The following ZNF534 variants were observed in gnomAD, a reference collection of about 807,000 sequenced individuals.
The protein encoded by ZNF534 is zinc finger protein 534, also known as KRAB domain only 3.
ZNF534 carries 19 observed loss-of-function variants against 13.6 expected under a neutral mutation model. The observed-to-expected ratio is 1.40, with a 90% confidence interval of 0.97 to 2.05. The LOEUF (loss-of-function observed/expected upper bound fraction) is 2.05. ZNF534 is among the 30% of genes most tolerant of loss of function. The pLI is 0.00. For missense variants in ZNF534, 782 were observed against 796.3 expected, an observed-to-expected ratio of 0.98 and a Z score of 0.22; for synonymous variants, 244 against 273.8, an observed-to-expected ratio of 0.89 and a Z score of 1.07.
rs1473234877 is a variant in ZNF534 at position 52,439,021 on chromosome 19, C to A, written c.1561C>A (p.Pro521Thr). ...TAGGGATATTCATACTGGAGAGAAGCCTTACAGTTGTAATGAATGTGGCAA... is the reference window on the plus strand; with the variant it reads ...TAGGGATATTCATACTGGAGAGAAGACTTACAGTTGTAATGAATGTGGCAA... ...QHRDIHTGEK[P>T]YSCNECGKVF... Residue 521 changes from proline to threonine, a missense_variant, in exon 5 of 5, where the codon CCT becomes ACT. This residue lies in a region of ZNF534 where 591 missense variants were observed against 574.0 expected (regional missense o/e 1.03). Transcript: ENST00000433050. 6.2e-7 allele frequency: 1 copy of A among 1,600,534 alleles called. No individual in the cohort carries two copies. Among genetic ancestry groups the A allele is most frequent in the Non-Finnish European group, 8.5e-7 (1 of 1,173,168 alleles).
At chr19:52,436,996 AC>A (rs2059132764) in intron 4 of ZNF534, among the ~76,000 whole-genome samples, 2 of 152,132 alleles carry the variant, frequency 1.3e-5, no homozygotes, top group South Asian at 4.2e-4. Flanking sequence ...TAAAACAACC[AC>A]TTTTTTCAGT....
At chr19:52,433,647 T>C (rs1050722693) in intron 2 of ZNF534, among the ~76,000 whole-genome samples, 1 of 152,266 alleles carries the variant, frequency 6.6e-6, no homozygotes, top group Non-Finnish European at 1.5e-5. Flanking sequence ...ATTACAGGCA[T>C]GAGCCGCCGT....
chr19:52,434,255 G>C, intron 3 of ZNF534, 174 bp downstream of exon 3: 1 of 861,868 alleles, frequency 1.2e-6, no homozygotes, highest in East Asian at 2.9e-5. Flanking sequence ...CAGCACTTTG[G>C]GAGGCCGAGG....
intron 4 of ZNF534, among the ~76,000 whole-genome samples, chr19:52,450,893 C>T (rs748946206): frequency 6.6e-6 from 1 of 151,652 alleles, no homozygotes; most frequent in Non-Finnish European, 1.5e-5. Context: ...GCCATGTTGC[C>T]CAGGTTGGTC....
intron 1 of ZNF534, among the ~76,000 whole-genome samples, chr19:52,431,080 T>C (rs1262681206): frequency 6.6e-6 from 1 of 152,102 alleles, no homozygotes; most frequent in Non-Finnish European, 1.5e-5. Flanking sequence ...CTCAAACTCC[T>C]GACCTCATGA....
At chr19:52,450,673 T>G (rs1343724150) in intron 4 of ZNF534, among the ~76,000 whole-genome samples, 8 of 26,026 alleles carry the variant, frequency 3.1e-4, no homozygotes, top group East Asian at 7.3e-4. Context: ...TTTAGGAGTT[T>G]TTTTTTTTTT....
chr19:52,450,947 A>G lies in ZNF534; in HGVS notation c.272-240A>G, dbSNP rs182500503. ...GTGATCCGCCCATCTTGGCCTCCCA[A>G]AGTGCTGGAATTACAGGCACAAGCC... On this transcript the variant is annotated intron_variant, in intron 4 of 4. Coordinates refer to the ZNF534 transcript ENST00000301085. Among the ~76,000 whole-genome samples, 866 of 152,064 alleles carry G rather than the reference A, an allele frequency of 5.7e-3. 9 individuals are homozygous for G. The highest frequency in any genetic ancestry group is 0.02 in the African/African-American group (829 of 41,496).
rs766949379 is a variant in ZNF534 at position 52,438,311 on chromosome 19, A to C, written c.851A>C (p.Tyr284Ser). The change falls in exon 5 of 5, where the codon TAC (tyrosine) becomes TCC (serine). Residue 284 changes from tyrosine to serine, a missense_variant. Tyr to Ser is a moderately radical substitution (Grantham distance 144). Transcript: ENST00000433050. ...ECGKVFSHHA[Y>S]LAQHRKIHTG... ...GGGAAAGTCTTTAGTCACCATGCCT[A>C]CCTTGCACAGCATAGGAAAATTCAT... 9 of 1,606,300 alleles carry C rather than the reference A, an allele frequency of 5.6e-6. No individual in the cohort carries two copies. The highest frequency in any genetic ancestry group is 7.7e-6 in the Non-Finnish European group (9 of 1,173,946).
Position 52,439,372 on chromosome 19 carries a change from G to C in ZNF534, c.1912G>C (p.Glu638Gln). The C allele has an allele frequency of 6.4e-7, 1 of 1,552,186 alleles. No individual in the cohort carries two copies. Among genetic ancestry groups the C allele is most frequent in the Non-Finnish European group, 8.7e-7 (1 of 1,147,128 alleles). ...TGGAGTGAAGCCTTACAGTTGTAATGAATGTGGCAAGGTCTTTAGTAAAAA... is the reference window on the plus strand; with the variant it reads ...TGGAGTGAAGCCTTACAGTTGTAATCAATGTGGCAAGGTCTTTAGTAAAAA... Reference protein sequence around the residue: ...HTGVKPYSCNECGKVFSKNSI... With the variant: ...HTGVKPYSCNQCGKVFSKNSI... Residue 638 changes from glutamate (E) to glutamine (Q), a missense_variant, in exon 5 of 5, where the codon GAA becomes CAA. By Grantham distance (29) the Glu-to-Gln change is conservative. This residue lies in a region of ZNF534 where 60 missense variants were observed against 59.9 expected (regional missense o/e 1.00). Transcript: ENST00000433050.
chr19:52,452,057 C>G (rs1293435975), exon 5 of ZNF534: 3 of 182,152 alleles, frequency 1.6e-5, no homozygotes, highest in Non-Finnish European at 3.5e-5. Context: ...GCTTTACCTT[C>G]TAAAAGTACT....
At chr19:52,430,145 A>G (rs2059077814) in intron 1 of ZNF534, among the ~76,000 whole-genome samples, 2 of 150,166 alleles carry the variant, frequency 1.3e-5, no homozygotes, top group South Asian at 4.2e-4. Flanking sequence ...TCTCCCGAGT[A>G]GCTGGGATTA....
At chr19:52,451,128 T>C in intron 4 of ZNF534, 1 of 597,224 alleles carries the variant, frequency 1.7e-6, no homozygotes, top group Admixed American at 3.1e-5. Context: ...GGGTAGCCTT[T>C]ACTTTTTTGT....
At chr19:52,449,830 G>C (rs1011797151) in intron 4 of ZNF534, among the ~76,000 whole-genome samples, 3 of 152,100 alleles carry the variant, frequency 2.0e-5, no homozygotes, top group African/African-American at 7.2e-5. Context: ...GCCTAGCCTG[G>C]CCAAGGTGGT....
intron 4 of ZNF534, among the ~76,000 whole-genome samples, chr19:52,450,685 GTTTTTGTT>G (rs2059210934): frequency 8.7e-5 from 1 of 11,468 alleles, no homozygotes; most frequent in Non-Finnish European, 1.7e-4. Context: ...TTTTTTTTTT[GTTTTTGTT>G]TTTGTTTTTT....
At chr19:52,445,941 T>G (rs190347039), downstream of ZNF534, among the ~76,000 whole-genome samples, 2 of 152,208 alleles carry the variant, frequency 1.3e-5, no homozygotes, top group East Asian at 3.8e-4. Context: ...ACAGGGAATA[T>G]ATAAATGAAA....
Position 52,434,097 on chromosome 19 carries a change from G to A in ZNF534, c.142+16G>A, listed in dbSNP as rs766822334. Reference sequence around the variant, plus strand: ...GTCTCCCTAGGTGAGGATAATGTCCGTCCAGAAGCCTGCATCTGCTCTGGT... The same window carrying A: ...GTCTCCCTAGGTGAGGATAATGTCCATCCAGAAGCCTGCATCTGCTCTGGT... On this transcript the variant is annotated intron_variant, in intron 3 of 4. Coordinates refer to ENST00000433050, the MANE Select transcript of ZNF534 (RefSeq NM_001143938.3). The A allele has an allele frequency of 1.6e-5, 25 of 1,609,740 alleles. No individual in the cohort carries two copies. Among genetic ancestry groups the A allele is most frequent in the Admixed American group, 8.5e-5 (5 of 58,760 alleles).
chr19:52,447,150 C>T (rs1209992674), downstream of ZNF534, among the ~76,000 whole-genome samples: 1 of 152,162 alleles, frequency 6.6e-6, no homozygotes, highest in Non-Finnish European at 1.5e-5. Flanking sequence ...GTGATGATAT[C>T]ACCTTTATAA....
rs534489301 is a variant in ZNF534, at chr19:52,441,488, C to T, written c.*2042C>T. On this transcript the variant is annotated 3_prime_UTR_variant, in exon 5 of 5. Coordinates refer to ENST00000433050, the MANE Select transcript of ZNF534 (RefSeq NM_001143938.3). ...CATGTTTGCAGTACTGCACTCCAGCCTGGGTGACAGAGTGAGACCCTATCT... is the reference window on the plus strand; with the variant it reads ...CATGTTTGCAGTACTGCACTCCAGCTTGGGTGACAGAGTGAGACCCTATCT... Among the ~76,000 whole-genome samples, 3 of 152,310 alleles carry T rather than the reference C, an allele frequency of 2.0e-5. No homozygotes were observed. Among genetic ancestry groups the T allele is most frequent in the Admixed American group, 2.0e-4 (3 of 15,298 alleles).
chr19:52,447,111 C>T (rs1383402275), downstream of ZNF534, among the ~76,000 whole-genome samples: 1 of 152,152 alleles, frequency 6.6e-6, no homozygotes, highest in East Asian at 1.9e-4. Flanking sequence ...GACTCTAACT[C>T]CACCTGCATC....
Sources: gnomAD v4.1 joint callset for allele counts (sites outside exome capture counted in the v4.1 genomes callset) on GRCh38, gnomAD v4.1.1 for gene constraint, gnomAD v4.1.1 regional missense constraint, MANE v1.5 for transcripts, NCBI Gene and HGNC (gene_info 2026-07-23, HGNC 2026-07-21) for gene names.